The following DCT variants were observed in gnomAD, a reference collection of about 807,000 sequenced individuals.
The protein encoded by DCT is L-dopachrome tautomerase.
DCT carries 47 observed loss-of-function variants against 53.0 expected under a neutral mutation model. The observed-to-expected ratio is 0.89, with a 90% CI of 0.70 to 1.13. The LOEUF (loss-of-function observed/expected upper bound fraction) is 1.13. Ranked by LOEUF, DCT falls within the 50% of genes most tolerant of loss-of-function variation. DCT has a pLI of 0.00. For synonymous variants in DCT, 244 were observed against 237.0 expected (o/e 1.03, Z -0.27); for missense variants, 669 against 637.4 (o/e 1.05, Z -0.53).
At chr13:94,443,308 T>C (rs535374101) in intron 7 of DCT, 128 bp downstream of exon 7, 2 of 703,032 alleles carry the variant, frequency 2.8e-6, no homozygotes, top group South Asian at 1.9e-5. Context: ...AGAAAAATGG[T>C]CAATAAACTT....
At chr13:94,468,591 C>T (rs1172770729) in intron 2 of DCT, 155 bp downstream of exon 2, 2 of 690,072 alleles carry the variant, frequency 2.9e-6, no homozygotes, top group African/African-American at 3.6e-5. Flanking sequence ...CTTCTAACTC[C>T]AGGCGGTATT....
At chr13:94,456,671 G>A (rs889065538) in intron 6 of DCT, among the ~76,000 whole-genome samples, 10 of 152,232 alleles carry the variant, frequency 6.6e-5, no homozygotes, top group African/African-American at 2.4e-4. Context: ...TCACTTCACT[G>A]AGAACAACAT....
rs1164660006 is a variant in DCT, at chr13:94,472,517, CATACATATATATATATATATATAT to C, written c.296-3496_296-3473del. ...ATACAGTGAGTTAAATATATACATA[CATACATATATATATATATATATAT>C]ATATATATATATATATATATATATA... On this transcript the variant is annotated intron_variant, in intron 1 of 7. Coordinates refer to ENST00000377028, the MANE Select transcript of DCT (RefSeq NM_001922.5). Among the ~76,000 whole-genome samples, 229 of 47,796 alleles carry C rather than the reference CATACATATATATATATATATATAT, an allele frequency of 4.8e-3. 9 individuals carry two copies. The highest frequency in any genetic ancestry group is 0.019 in the African/African-American group (222 of 11,908). 31.4% of individuals were successfully genotyped at this position (47,796 alleles called of 152,430 possible). A position where few individuals can be genotyped will look rare whatever the true frequency, so the allele number is the denominator to read the frequency against.
At chr13:94,534,873 G>A in the DCT span, among the ~76,000 whole-genome samples, 14 of 152,196 alleles carry the variant, frequency 9.2e-5, 1 homozygote, top group Middle Eastern at 6.3e-3. Context: ...GCTATTAGCC[G>A]TAACATCCAT....
the DCT span, among the ~76,000 whole-genome samples, chr13:94,526,213 C>T: frequency 2.6e-5 from 4 of 152,226 alleles, no homozygotes; most frequent in Non-Finnish European, 5.9e-5. Flanking sequence ...TAACACACAT[C>T]TACTGAGCCA....
intron 1 of DCT, among the ~76,000 whole-genome samples, chr13:94,470,637 T>A (rs1039279978): frequency 6.6e-6 from 1 of 152,220 alleles, no homozygotes; most frequent in Non-Finnish European, 1.5e-5. Context: ...CTCTACCTCA[T>A]GCCCTAGGCC....
At chr13:94,488,216 C>G in the DCT span, among the ~76,000 whole-genome samples, 1 of 152,062 alleles carries the variant, frequency 6.6e-6, no homozygotes, top group South Asian at 2.1e-4. Flanking sequence ...TAGAGCTACT[C>G]CTTCTTCAAA....
intron 1 of DCT, among the ~76,000 whole-genome samples, chr13:94,474,265 G>C (rs933921067): frequency 6.6e-6 from 1 of 150,714 alleles, no homozygotes. Context: ...ATGGAAAAAA[G>C]AGTGAGATCA....
the DCT span, among the ~76,000 whole-genome samples, chr13:94,530,088 T>C: frequency 3.8e-3 from 573 of 152,280 alleles, 3 homozygotes; most frequent in African/African-American, 0.013. Context: ...CAGGAAGAAG[T>C]TGAATCTCTG....
intron 1 of DCT, among the ~76,000 whole-genome samples, chr13:94,469,424 G>C (rs1405475294): frequency 1.3e-5 from 2 of 152,080 alleles, no homozygotes; most frequent in Admixed American, 1.3e-4. Flanking sequence ...CAATATGACT[G>C]GTGTCCTCAA....
At chr13:94,478,470 C>T (rs1325462674) in intron 1 of DCT, among the ~76,000 whole-genome samples, 2 of 151,918 alleles carry the variant, frequency 1.3e-5, no homozygotes, top group Admixed American at 6.6e-5. Flanking sequence ...AAGCGAGACT[C>T]CATCTCCAAA....
At chr13:94,470,662 T>G (rs61964070) in intron 1 of DCT, among the ~76,000 whole-genome samples, 35,352 of 152,084 alleles carry the variant, frequency 0.23, 4,462 homozygotes, top group Non-Finnish European at 0.28. Flanking sequence ...TGCTTGCTTT[T>G]CCTTCTTCCT....
intron 4 of DCT, 149 bp downstream of exon 4, chr13:94,465,484 C>A (rs1319520456): frequency 1.3e-5 from 7 of 547,630 alleles, no homozygotes; most frequent in Non-Finnish European, 2.0e-5. Context: ...TTTTTGAAAT[C>A]CCACCTCCCA....
intron 6 of DCT, among the ~76,000 whole-genome samples, chr13:94,448,700 C>T (rs546133748): frequency 5.3e-5 from 8 of 152,126 alleles, no homozygotes; most frequent in Admixed American, 1.3e-4. Flanking sequence ...GTCAGGAGTT[C>T]GAGACCAGCC....
At chr13:94,488,792 C>A in the DCT span, among the ~76,000 whole-genome samples, 2 of 150,218 alleles carry the variant, frequency 1.3e-5, no homozygotes, top group Non-Finnish European at 3.0e-5. Flanking sequence ...CATACATATA[C>A]ACACACATAT....
At chr13:94,466,177 AAAG>A (rs1432295816) in intron 3 of DCT, among the ~76,000 whole-genome samples, 1 of 151,524 alleles carries the variant, frequency 6.6e-6, no homozygotes, top group Non-Finnish European at 1.5e-5. Flanking sequence ...AATCTAAAGA[AAAG>A]AAGAAAAAAG....
Position 94,443,445 on chromosome 13 carries a change from C to T in DCT, c.1372G>A (p.Asp458Asn), listed in dbSNP as rs1346537303. The T allele has an allele frequency of 5.0e-6, 8 of 1,612,266 alleles. No individual in the cohort carries two copies. Among genetic ancestry groups the T allele is most frequent in the Admixed American group, 1.7e-5 (1 of 59,982 alleles). Residue 458 changes from aspartate (D) to asparagine (N), a missense_variant, in exon 7 of 8, where the codon GAT (aspartate) becomes AAT (asparagine). By Grantham distance (23) the Asp-to-Asn change is conservative. Coordinates refer to ENST00000377028, the MANE Select transcript of DCT (RefSeq NM_001922.5). Reference sequence around the variant, plus strand: ...AAGTTGTGTTAGTTACCTGGCAGATCGATGGCATAGCTGTAGCCAAGTTGG... The same window carrying T: ...AAGTTGTGTTAGTTACCTGGCAGATTGATGGCATAGCTGTAGCCAAGTTGG... ...SDQLGYSYAI[D>N]LPVSVEETPG...
chr13:94,477,860 G>A (rs1885197098), intron 1 of DCT, among the ~76,000 whole-genome samples: 1 of 152,148 alleles, frequency 6.6e-6, no homozygotes, highest in Admixed American at 6.5e-5. Context: ...GTGTCCAAGG[G>A]CTTTCCTGAG....
chr13:94,486,978 G>A, the DCT span, among the ~76,000 whole-genome samples: 5 of 152,140 alleles, frequency 3.3e-5, no homozygotes, highest in African/African-American at 4.8e-5. Context: ...TACAAAACAG[G>A]GCTTAGAGAA....
Sources: gnomAD v4.1 joint callset for allele counts (sites outside exome capture counted in the v4.1 genomes callset) on GRCh38, gnomAD v4.1.1 for gene constraint, MANE v1.5 for transcripts, NCBI Gene and HGNC (gene_info 2026-07-23, HGNC 2026-07-21) for gene names.